CADM1: variants seen among roughly 807,000 people sequenced by gnomAD.
CADM1 encodes the protein cell adhesion molecule 1, also known as TSLC-1.
In CADM1, 15 loss-of-function variants were observed where a neutral mutation model predicts 53.1. The observed-to-expected ratio is 0.28, with a 90% CI of 0.19 to 0.44. The LOEUF is 0.44. CADM1 is among the 20% of genes least tolerant of loss of function. CADM1 has a pLI of 1.00. For synonymous variants in CADM1, 281 were observed against 243.0 expected, an observed-to-expected ratio of 1.16 and a Z score of -1.45; for missense variants, 434 against 611.3, an observed-to-expected ratio of 0.71 and a Z score of 3.06.
chr11:115,392,462 T>C (rs1370551635), intron 1 of CADM1, among the ~76,000 whole-genome samples: 2 of 152,170 alleles, frequency 1.3e-5, no homozygotes, highest in East Asian at 1.9e-4. Flanking sequence ...CCTATTTACA[T>C]TGATTAAACA....
chr11:115,435,309 T>C (rs1479836568), intron 1 of CADM1, among the ~76,000 whole-genome samples: 1 of 152,214 alleles, frequency 6.6e-6, no homozygotes, highest in Admixed American at 6.5e-5. Flanking sequence ...AACTATGGCC[T>C]ACAGGTCAAA....
intron 1 of CADM1, among the ~76,000 whole-genome samples, chr11:115,416,288 G>A (rs572743463): frequency 3.3e-5 from 5 of 152,228 alleles, no homozygotes; most frequent in South Asian, 2.1e-4. Context: ...CCAATTGTCC[G>A]CTGCTTTCTT....
chr11:115,307,862 A>C (rs1354233709), intron 1 of CADM1, among the ~76,000 whole-genome samples: 3 of 151,854 alleles, frequency 2.0e-5, no homozygotes, highest in Non-Finnish European at 4.4e-5. Context: ...TCAATGTGTC[A>C]CACCTATACC....
chr11:115,504,327 C>T lies in CADM1; in HGVS notation c.68G>A (p.Gly23Glu). 6.4e-7 allele frequency: 1 copy of T among 1,551,588 alleles called. No individual in the cohort carries two copies. The highest frequency in any genetic ancestry group is 2.4e-5 in the East Asian group (1 of 40,986). ...AAAAAAAAPP[G>E]LRLRLLLLLF... ...CAACAGCAGAAGCCGGAGCCGGAGC[C>T]CGGGAGGCGCCGCCGCCGCCGCTGC... The change falls in exon 1 of 12, where the codon GGG becomes GAG. Residue 23 changes from glycine (G) to glutamate (E), a missense_variant. Gly to Glu is a moderately conservative substitution (Grantham distance 98, BLOSUM62 -2). Transcript: ENST00000331581.
chr11:115,348,867 G>A (rs541878389), intron 1 of CADM1, among the ~76,000 whole-genome samples: 3 of 152,172 alleles, frequency 2.0e-5, no homozygotes, highest in Non-Finnish European at 4.4e-5. Flanking sequence ...TAACTACATC[G>A]GGAAGGGTCA....
At chr11:115,218,058 C>T in intron 5 of CADM1, 67 bp from the exon 6 acceptor site, 3 of 1,125,994 alleles carry the variant, frequency 2.7e-6, no homozygotes, top group South Asian at 2.5e-5. Context: ...CAGACTCACA[C>T]ACTGCCTCAA....
At chr11:115,339,616 G>GT (rs1945370037) in intron 1 of CADM1, among the ~76,000 whole-genome samples, 1 of 152,100 alleles carries the variant, frequency 6.6e-6, no homozygotes. Flanking sequence ...CTTATGCAGA[G>GT]TTTAGTTTTC....
At chr11:115,302,871 G>A (rs1482649783) in intron 1 of CADM1, among the ~76,000 whole-genome samples, 1 of 152,116 alleles carries the variant, frequency 6.6e-6, no homozygotes, top group African/African-American at 2.4e-5. Flanking sequence ...CTGTGTATGA[G>A]TGGAGCAATG....
At chr11:115,311,809 A>C (rs1379716773) in intron 1 of CADM1, among the ~76,000 whole-genome samples, 1 of 152,050 alleles carries the variant, frequency 6.6e-6, no homozygotes, top group Non-Finnish European at 1.5e-5. Context: ...TGTTTTCTTG[A>C]TTTTTAAGAA....
chr11:115,381,982 C>T (rs987737344), intron 1 of CADM1, among the ~76,000 whole-genome samples: 13 of 152,136 alleles, frequency 8.5e-5, no homozygotes, highest in African/African-American at 2.9e-4. Flanking sequence ...GTTGCTAGGA[C>T]CACAGGTGCC....
intron 3 of CADM1, among the ~76,000 whole-genome samples, chr11:115,235,763 A>C (rs1941988743): frequency 6.6e-6 from 1 of 152,218 alleles, no homozygotes; most frequent in South Asian, 2.1e-4. Context: ...CTTAAGAACG[A>C]ACACTAATCT....
At chr11:115,274,702 C>A (rs940212828) in intron 1 of CADM1, among the ~76,000 whole-genome samples, 3 of 152,138 alleles carry the variant, frequency 2.0e-5, no homozygotes, top group Non-Finnish European at 4.4e-5. Flanking sequence ...TTATATAGTC[C>A]TCATAGGATT....
At chr11:115,178,576 C>A in intron 11 of CADM1, 68 bp downstream of exon 11, 1 of 1,507,528 alleles carries the variant, frequency 6.6e-7, no homozygotes, top group Non-Finnish European at 9.0e-7. Context: ...TCAAGGACAA[C>A]CTTGTAAAGT....
intron 4 of CADM1, 127 bp from the exon 5 acceptor site, chr11:115,229,398 G>A (rs1941737791): frequency 2.4e-6 from 2 of 840,994 alleles, no homozygotes; most frequent in Admixed American, 3.8e-5. Flanking sequence ...CAGTTACTTG[G>A]GATGAGAGTA....
At chr11:115,498,590 G>A (rs12274736) in intron 1 of CADM1, among the ~76,000 whole-genome samples, 6 of 152,128 alleles carry the variant, frequency 3.9e-5, no homozygotes, top group African/African-American at 1.2e-4. Context: ...CATCTTATCC[G>A]ATCCAAACAA....
At chr11:115,278,651 A>G (rs1565340123) in intron 1 of CADM1, among the ~76,000 whole-genome samples, 1 of 152,186 alleles carries the variant, frequency 6.6e-6, no homozygotes, top group Non-Finnish European at 1.5e-5. Flanking sequence ...ACGAAGAACA[A>G]TTCTACAGAA....
intron 1 of CADM1, among the ~76,000 whole-genome samples, chr11:115,405,102 G>A (rs970294709): frequency 1.3e-5 from 2 of 152,060 alleles, no homozygotes; most frequent in Non-Finnish European, 2.9e-5. Flanking sequence ...TTGGACTACA[G>A]GCATGCAATC....
At chr11:115,465,156 A>T (rs1948872408) in intron 1 of CADM1, among the ~76,000 whole-genome samples, 1 of 152,164 alleles carries the variant, frequency 6.6e-6, no homozygotes, top group Non-Finnish European at 1.5e-5. Context: ...TTTTATTGTG[A>T]AATAATTAGA....
intron 1 of CADM1, among the ~76,000 whole-genome samples, chr11:115,288,337 T>A (rs1943787255): frequency 6.6e-6 from 1 of 152,188 alleles, no homozygotes; most frequent in Non-Finnish European, 1.5e-5. Flanking sequence ...AATTACATTT[T>A]ACAGCAAACA....
Sources: gnomAD v4.1 joint callset for allele counts (sites outside exome capture counted in the v4.1 genomes callset) on GRCh38, gnomAD v4.1.1 for gene constraint, MANE v1.5 for transcripts, NCBI Gene and HGNC (gene_info 2026-07-23, HGNC 2026-07-21) for gene names.